The following GALNTL6 variants were observed in gnomAD, a reference collection of about 807,000 sequenced individuals.
The protein encoded by GALNTL6 is polypeptide N-acetylgalactosaminyltransferase like 6, also known as polypeptide N-acetylgalactosaminyltransferase-like 6.
In GALNTL6, 46 loss-of-function variants were observed where a neutral mutation model predicts 73.7. The observed-to-expected ratio is 0.62, with a 90% CI of 0.49 to 0.80. The LOEUF (loss-of-function observed/expected upper bound fraction) is 0.80, where lower values mean the gene tolerates loss of function less well. Ranked by LOEUF, GALNTL6 falls within the 30% of genes least tolerant of loss-of-function variation. GALNTL6 has a pLI of 0.00. For missense variants in GALNTL6, 604 were observed against 755.0 expected (o/e 0.80, Z 2.34); for synonymous variants, 259 against 263.7 (o/e 0.98, Z 0.17).
At chr4:172,582,492 G>A (rs186331601) in intron 5 of GALNTL6, among the ~76,000 whole-genome samples, 6 of 152,234 alleles carry the variant, frequency 3.9e-5, no homozygotes, top group Admixed American at 2.6e-4. Context: ...TTCAACCAAC[G>A]ATGTCAAATT....
At chr4:172,178,152 C>T (rs1735106439) in intron 2 of GALNTL6, among the ~76,000 whole-genome samples, 1 of 151,986 alleles carries the variant, frequency 6.6e-6, no homozygotes, top group African/African-American at 2.4e-5. Flanking sequence ...TTGGTTTTCT[C>T]ATCTGCTAAT....
intron 5 of GALNTL6, among the ~76,000 whole-genome samples, chr4:172,535,109 TAATC>T (rs574122297): frequency 6.1e-4 from 93 of 152,330 alleles, no homozygotes; most frequent in African/African-American, 1.9e-3. Flanking sequence ...TTTAATAAAT[TAATC>T]AATTCATTTC....
At chr4:172,367,185 A>G (rs56137989) in intron 5 of GALNTL6, among the ~76,000 whole-genome samples, 3,738 of 152,264 alleles carry the variant, frequency 0.025, 157 homozygotes, top group African/African-American at 0.084. Flanking sequence ...GTATTCACAT[A>G]GGCATCACGC....
intron 5 of GALNTL6, among the ~76,000 whole-genome samples, chr4:172,704,610 C>T (rs1054211758): frequency 3.9e-5 from 6 of 151,918 alleles, no homozygotes; most frequent in Admixed American, 2.0e-4. Context: ...TTTGGCTTAA[C>T]ACGTGGTCTA....
Position 171,962,754 on chromosome 4 carries a change from G to A in GALNTL6, c.138+148036G>A, listed in dbSNP as rs1344376589. Among the ~76,000 whole-genome samples, 3 of 136,966 alleles carry A rather than the reference G, an allele frequency of 2.2e-5. 1 individual carries two copies. Among genetic ancestry groups the A allele is most frequent in the African/African-American group, 8.1e-5 (3 of 37,002 alleles). 89.9% of individuals were successfully genotyped at this position (136,966 alleles called of 152,430 possible). A position where few individuals can be genotyped will look rare whatever the true frequency, so the allele number is the denominator to read the frequency against. On this transcript the variant is annotated intron_variant, in intron 2 of 12. Coordinates refer to ENST00000506823, the MANE Select transcript of GALNTL6 (RefSeq NM_001034845.3). ...ATTTATTCCTTTACTTTCTTAATAA[G>A]CTTGCTTTTACTTTTTTTTTTTTTT...
intron 8 of GALNTL6, among the ~76,000 whole-genome samples, chr4:172,895,825 T>C (rs1307230491): frequency 6.6e-6 from 1 of 152,192 alleles, no homozygotes; most frequent in Non-Finnish European, 1.5e-5. Flanking sequence ...TTTTTCTTTT[T>C]TCTCTTCTGT....
At chr4:172,000,248 T>C (rs1381805203) in intron 2 of GALNTL6, among the ~76,000 whole-genome samples, 1 of 152,158 alleles carries the variant, frequency 6.6e-6, no homozygotes, top group East Asian at 1.9e-4. Flanking sequence ...ACTAATGAGG[T>C]CCGGCAGTAT....
chr4:172,553,136 G>C (rs1305272223), intron 5 of GALNTL6, among the ~76,000 whole-genome samples: 1 of 152,072 alleles, frequency 6.6e-6, no homozygotes, highest in African/African-American at 2.4e-5. Context: ...ATATGAAATT[G>C]CCAATATTTG....
chr4:173,040,185 C>A lies in GALNTL6; in HGVS notation c.*85C>A. On this transcript the variant is annotated 3_prime_UTR_variant, in exon 13 of 13. Coordinates refer to ENST00000506823, the MANE Select transcript of GALNTL6 (RefSeq NM_001034845.3). ...TCTGGGTCGAAGGAGTCAGGAATAA[C>A]ATTTCCTCGATCCAGGAAGGCTGGT... 9.7e-7 allele frequency: 1 copy of A among 1,030,396 alleles called. No homozygotes were observed. Among genetic ancestry groups the A allele is most frequent in the South Asian group, 1.6e-5 (1 of 61,020 alleles). 63.8% of individuals were successfully genotyped at this position (1,030,396 alleles called of 1,614,324 possible). A position where few individuals can be genotyped will look rare whatever the true frequency, so the allele number is the denominator to read the frequency against.
chr4:172,651,760 C>T (rs564637119), intron 5 of GALNTL6, among the ~76,000 whole-genome samples: 3 of 152,184 alleles, frequency 2.0e-5, no homozygotes, highest in African/African-American at 4.8e-5. Context: ...GTAAAATGAA[C>T]GATAATTAAA....
At chr4:171,825,286 G>A (rs1399929551) in intron 2 of GALNTL6, among the ~76,000 whole-genome samples, 1 of 152,124 alleles carries the variant, frequency 6.6e-6, no homozygotes, top group Non-Finnish European at 1.5e-5. Context: ...ACTTGATGAA[G>A]GAAGTGCTTT....
chr4:172,158,523 A>G (rs1734355379), intron 2 of GALNTL6, among the ~76,000 whole-genome samples: 1 of 152,146 alleles, frequency 6.6e-6, no homozygotes, highest in Non-Finnish European at 1.5e-5. Flanking sequence ...TAAATATAAT[A>G]GTGCTGCCAA....
intron 5 of GALNTL6, among the ~76,000 whole-genome samples, chr4:172,764,551 T>C (rs1235827653): frequency 6.6e-6 from 1 of 151,602 alleles, no homozygotes; most frequent in Non-Finnish European, 1.5e-5. Context: ...AATACATAGG[T>C]TACAAAGTAA....
chr4:172,354,217 G>A (rs899624979), intron 5 of GALNTL6, among the ~76,000 whole-genome samples: 3 of 152,070 alleles, frequency 2.0e-5, no homozygotes, highest in East Asian at 3.8e-4. Flanking sequence ...TTGAGAGCTA[G>A]TCACTCTAAA....
At chr4:172,001,036 A>G (rs1740657601) in intron 2 of GALNTL6, among the ~76,000 whole-genome samples, 1 of 152,220 alleles carries the variant, frequency 6.6e-6, no homozygotes, top group Admixed American at 6.5e-5. Context: ...CAGTCTGGTC[A>G]TAGCAATAGC....
chr4:171,971,004 G>C (rs72993053), intron 2 of GALNTL6, among the ~76,000 whole-genome samples: 8,136 of 152,250 alleles, frequency 0.053, 593 homozygotes, highest in African/African-American at 0.16. Context: ...ATTAGTAGCA[G>C]GGTTGAACTG....
intron 7 of GALNTL6, among the ~76,000 whole-genome samples, chr4:172,852,988 C>T (rs1370183957): frequency 2.0e-5 from 3 of 152,148 alleles, no homozygotes; most frequent in East Asian, 1.9e-4. Context: ...CTAAGCTGGA[C>T]CTGTCAGTTA....
chr4:172,725,898 C>T (rs1735767086), intron 5 of GALNTL6, among the ~76,000 whole-genome samples: 1 of 152,184 alleles, frequency 6.6e-6, no homozygotes, highest in Non-Finnish European at 1.5e-5. Flanking sequence ...AATAATGGTA[C>T]TTATTTCATA....
chr4:172,802,525 G>A (rs1003142778), intron 5 of GALNTL6, among the ~76,000 whole-genome samples: 1 of 152,188 alleles, frequency 6.6e-6, no homozygotes, highest in African/African-American at 2.4e-5. Context: ...GCCGGGCGCA[G>A]TGGCTCACAC....
Sources: gnomAD v4.1 joint callset for allele counts (sites outside exome capture counted in the v4.1 genomes callset) on GRCh38, gnomAD v4.1.1 for gene constraint, MANE v1.5 for transcripts, NCBI Gene and HGNC (gene_info 2026-07-23, HGNC 2026-07-21) for gene names.